Variants in IDH3B observed in about 807,000 individuals in gnomAD.
The protein encoded by IDH3B is isocitrate dehydrogenase (NAD(+)) 3 non-catalytic subunit beta.
Under a neutral mutation model 47.5 loss-of-function variants are expected in IDH3B, and 40 were observed. The ratio of observed to expected loss-of-function variants is 0.84; its 90% CI spans 0.65 to 1.10. The LOEUF is 1.10. IDH3B is among the 50% of genes least tolerant of loss of function. IDH3B has a pLI of 0.00. For missense variants in IDH3B, 450 were observed against 505.2 expected, an observed-to-expected ratio of 0.89 and a Z score of 1.05; for synonymous variants, 185 against 191.0, an observed-to-expected ratio of 0.97 and a Z score of 0.26.
Position 2,659,719 on chromosome 20 carries a change from G to C in IDH3B, c.990C>G (p.Ser330=), listed in dbSNP as rs959016432. The part of the protein sequence containing the change: ...ANPTAMLLSA[S]NMLRHLNLEY... ...CCTACTTAAGATGCCGCAGCATGTT[G>C]GAAGCCGACAGCAGCATGGCCGTGG... The change falls in exon 10 of 12, where the codon TCC becomes TCG. Residue 330 remains serine, a synonymous_variant. Transcript: ENST00000380843. 8 of 1,614,092 alleles carry C rather than the reference G, an allele frequency of 5.0e-6. No individual in the cohort carries two copies. The highest frequency in any genetic ancestry group is 6.8e-6 in the Non-Finnish European group (8 of 1,179,952).
Position 2,663,567 on chromosome 20 carries a change from C to T in IDH3B, c.217-1G>A. 1.2e-6 allele frequency: 2 copies of T among 1,614,198 alleles called. No individual in the cohort carries two copies. Among genetic ancestry groups the T allele is most frequent in the South Asian group, 2.2e-5 (2 of 91,084 alleles). ...GGAACTCCACTGGGACAGCGGCAGC[C>T]TTCAGAGACAGGTTCCCAAAACATC... On this transcript the variant is annotated splice_acceptor_variant, in intron 3 of 11. Transcript: ENST00000380843. LOFTEE classifies it high-confidence loss of function.
At chr20:2,663,417 A>G in intron 4 of IDH3B, 29 bp downstream of exon 4, 2 of 1,613,832 alleles carry the variant, frequency 1.2e-6, no homozygotes, top group East Asian at 2.2e-5. Flanking sequence ...TAAATGGCAC[A>G]TGGACAAGTG....
intron 2 of IDH3B, 54 bp downstream of exon 2, chr20:2,663,871 G>A: frequency 6.3e-7 from 1 of 1,598,364 alleles, no homozygotes; most frequent in East Asian, 2.2e-5. Context: ...AGGGGAGGGA[G>A]CAGCGAGGAA....
intron 4 of IDH3B, among the ~76,000 whole-genome samples, chr20:2,661,490 G>T (rs1454646889): frequency 2.0e-5 from 3 of 152,124 alleles, no homozygotes; most frequent in Non-Finnish European, 4.4e-5. Context: ...TTTAATTTAT[G>T]TTGAAACTTC....
Position 2,658,441 on chromosome 20 carries a change from C to G in IDH3B, c.*310G>C. 2 of 1,614,080 alleles carry G rather than the reference C, an allele frequency of 1.2e-6. No homozygotes were observed. The highest frequency in any genetic ancestry group is 2.2e-5 in the South Asian group (2 of 91,062). Reference sequence around the variant, plus strand: ...ACACCTTACATGGGTATGGACAGGGCCTATGGGTGGGGCAAGGCAGCAATG... The same window carrying G: ...ACACCTTACATGGGTATGGACAGGGGCTATGGGTGGGGCAAGGCAGCAATG... On this transcript the variant is annotated 3_prime_UTR_variant, in exon 12 of 12. Coordinates refer to ENST00000380843, the MANE Select transcript of IDH3B (RefSeq NM_006899.5).
rs911503036 is a variant in IDH3B at position 2,660,009 on chromosome 20, C to T, written c.915+21G>A. ...GCGGACTTGAGGTCAGAGGAAGGGC[C>T]GAGGGAGAAAGCAGCCTCACCGTCT... On this transcript the variant is annotated intron_variant, in intron 9 of 11. Coordinates refer to ENST00000380843, the MANE Select transcript of IDH3B (RefSeq NM_006899.5). This position sits in a 1 kb window ranked among gnomAD's most constrained non-coding sequence, Gnocchi z 5.6. 3.1e-6 allele frequency: 5 copies of T among 1,613,800 alleles called. No homozygotes were observed. The highest frequency in any genetic ancestry group is 3.4e-6 in the Non-Finnish European group (4 of 1,179,858).
At chr20:2,659,279 G>A in intron 11 of IDH3B, 1 of 1,459,634 alleles carries the variant, frequency 6.9e-7, no homozygotes, top group Admixed American at 2.7e-5. Context: ...AAGGGCAGTG[G>A]ATGGAGCAGG....
At position 2,663,717 on chromosome 20, in the gene IDH3B, C is replaced by T. The variant is rs2146319930; in HGVS notation, c.159G>A (p.Met53Ile). The T allele has an allele frequency of 6.2e-7, 1 of 1,614,222 alleles. No individual in the cohort carries two copies. Among genetic ancestry groups the T allele is most frequent in the Non-Finnish European group, 8.5e-7 (1 of 1,180,046 alleles). ...VRVEGSFPVT[M>I]LPGDGVGPEL... is the part of the protein sequence containing the mutation. ...CAGGCCCCACACCGTCTCCCGGAAG[C>T]ATGGTCACGGGAAAGGAGCCCTCCA... is the stretch of plus-strand genomic sequence containing the variant. Residue 53 changes from methionine (M) to isoleucine (I), a missense_variant, in exon 3 of 12, where the codon ATG becomes ATA. By Grantham distance (10) the Met-to-Ile change is conservative. Coordinates refer to ENST00000380843, the MANE Select transcript of IDH3B (RefSeq NM_006899.5).
At position 2,658,834 on chromosome 20, in the gene IDH3B, G is replaced by A. The variant is rs377682152; in HGVS notation, c.1075C>T (p.Arg359Trp). ...CTGTAGCCGCCCATGTCTCGAGTCCGCACCTACAGCCACCACCGGCAACAG... is the reference window on the plus strand; with the variant it reads ...CTGTAGCCGCCCATGTCTCGAGTCCACACCTACAGCCACCACCGGCAACAG... The part of the protein sequence containing the change: ...VKKVIKVGKV[R>W]TRDMGGYSTT... The change falls in exon 12 of 12, where the codon CGG becomes TGG. Residue 359 changes from arginine (R) to tryptophan (W), a missense_variant. Transcript: ENST00000380843. 1.5e-5 allele frequency: 25 copies of A among 1,613,920 alleles called. No homozygotes were observed. Among genetic ancestry groups the A allele is most frequent in the South Asian group, 3.3e-5 (3 of 91,078 alleles).
In IDH3B at chr20:2,663,770, G is replaced by A. The variant is rs541105022; in HGVS notation, c.118-12C>T. 3.7e-6 allele frequency: 6 copies of A among 1,613,076 alleles called. No homozygotes were observed. Among genetic ancestry groups the A allele is most frequent in the Non-Finnish European group, 4.2e-6 (5 of 1,179,026 alleles). On this transcript the variant is annotated splice_polypyrimidine_tract_variant and intron_variant, in intron 2 of 11. Transcript: ENST00000380843. ...CTCACGTCCTCGGCCTCAATTGGGG[G>A]AAGAGGGGAGAAGTAAAGATAGAGC...
intron 4 of IDH3B, among the ~76,000 whole-genome samples, chr20:2,661,974 G>A (rs955970516): frequency 5.9e-5 from 9 of 152,148 alleles, no homozygotes; most frequent in African/African-American, 1.9e-4. Context: ...AAATGATACC[G>A]AGACAGAGAG....
Position 2,662,943 on chromosome 20 carries a change from C to T in IDH3B, c.337+503G>A, listed in dbSNP as rs151324367. Among the ~76,000 whole-genome samples the T allele has an allele frequency of 1.9e-3, 285 of 152,042 alleles. 1 individual carries two copies. The highest frequency in any genetic ancestry group is 6.2e-3 in the African/African-American group (256 of 41,472). On this transcript the variant is annotated intron_variant, in intron 4 of 11. Transcript: ENST00000380843. ...TTGCACTCCAGCCTGGGCGACAGAG[C>T]GAGACTCTGTCTTAAAACAAAACAA... is the stretch of plus-strand genomic sequence containing the variant.
chr20:2,658,898 A>G (rs949126905), intron 11 of IDH3B, 61 bp from the exon 12 acceptor site: 1 of 1,607,786 alleles, frequency 6.2e-7, no homozygotes, highest in African/African-American at 1.3e-5. Flanking sequence ...GAAGGGAGGT[A>G]GGGCAATGTG....
chr20:2,658,972 G>A (rs1319095207), intron 11 of IDH3B, 135 bp from the exon 12 acceptor site: 5 of 1,375,936 alleles, frequency 3.6e-6, no homozygotes, highest in Non-Finnish European at 4.7e-6. Flanking sequence ...AGGAATGGAA[G>A]GAGGAGCCAG....
At chr20:2,661,796 C>T (rs2086952758) in intron 4 of IDH3B, among the ~76,000 whole-genome samples, 1 of 152,204 alleles carries the variant, frequency 6.6e-6, no homozygotes, top group Admixed American at 6.5e-5. Flanking sequence ...AGGAAATCCT[C>T]TCCAGTAATA....
chr20:2,658,550 G>A lies in IDH3B; in HGVS notation c.*201C>T, dbSNP rs1395567185. ...GTGGGGGAGAATCATCATCATCCAT[G>A]TGGCCTGGGCTCCATCCTAACAATC... On this transcript the variant is annotated 3_prime_UTR_variant, in exon 12 of 12. Coordinates refer to ENST00000380843, the MANE Select transcript of IDH3B (RefSeq NM_006899.5). 6.2e-7 allele frequency: 1 copy of A among 1,613,406 alleles called. No individual in the cohort carries two copies. The highest frequency in any genetic ancestry group is 1.3e-5 in the African/African-American group (1 of 74,906).
chr20:2,660,522 G>A lies in IDH3B; in HGVS notation c.600C>T (p.Phe200=), dbSNP rs144124297. ...TRAKSQRIAK[F]AFDYATKKGR... ...CCTTCTTGGTGGCATAGTCAAAGGC[G>A]AACTTTGCAATCCGCTGAGACTTGG... The change falls in exon 7 of 12, where the codon TTC becomes TTT. Residue 200 remains phenylalanine (F), a synonymous_variant. Coordinates refer to ENST00000380843, the MANE Select transcript of IDH3B (RefSeq NM_006899.5). The surrounding 1 kb of genome is among the most constrained non-coding windows in gnomAD (Gnocchi z 5.6). 16 of 1,613,968 alleles carry A rather than the reference G, an allele frequency of 9.9e-6. No individual in the cohort carries two copies. Among genetic ancestry groups the A allele is most frequent in the Middle Eastern group, 1.6e-4 (1 of 6,084 alleles).
Position 2,660,906 on chromosome 20 carries a change from T to G in IDH3B, c.398+3A>C, listed in dbSNP as rs200038043. ...AACCATTCACCCCACCCAGACCACC[T>G]ACCTCAGCCGCATATCATAGGAGGC... On this transcript the variant is annotated splice_donor_region_variant and intron_variant, in intron 5 of 11. Coordinates refer to ENST00000380843, the MANE Select transcript of IDH3B (RefSeq NM_006899.5). The surrounding 1 kb of genome is among the most constrained non-coding windows in gnomAD (Gnocchi z 5.6). 61 of 1,613,998 alleles carry G rather than the reference T, an allele frequency of 3.8e-5. No individual in the cohort carries two copies. The highest frequency in any genetic ancestry group is 5.0e-5 in the Non-Finnish European group (59 of 1,179,988).
intron 11 of IDH3B, 161 bp from the exon 12 acceptor site, chr20:2,658,998 G>A (rs1243537214): frequency 1.6e-6 from 2 of 1,287,538 alleles, no homozygotes; most frequent in Non-Finnish European, 2.0e-6. Context: ...GAAGCACATG[G>A]ACCTGCCACT....
Sources: allele counts gnomAD v4.1 joint callset (sites outside exome capture counted in the v4.1 genomes callset), GRCh38; gene constraint gnomAD v4.1.1; non-coding constraint Gnocchi (gnomAD v3.1); transcripts MANE v1.5; gene names NCBI Gene and HGNC (gene_info 2026-07-23, HGNC 2026-07-21).